ZMYM2: variants seen among roughly 807,000 people sequenced by gnomAD.
ZMYM2 encodes zinc finger MYM-type protein 2.
In ZMYM2, 56 loss-of-function variants were observed where a neutral mutation model predicts 162.8. The observed-to-expected ratio is 0.34, with a 90% CI of 0.28 to 0.43. The LOEUF (loss-of-function observed/expected upper bound fraction) is 0.43, where lower values mean the gene tolerates loss of function less well. ZMYM2 is among the 20% of genes least tolerant of loss of function. ZMYM2 has a pLI of 1.00. For synonymous variants in ZMYM2, 510 were observed against 541.6 expected (o/e 0.94, Z 0.81); for missense variants, 1,275 against 1,621.8 (o/e 0.79, Z 3.67).
At chr13:19,886,811 G>A in the ZMYM2 span, among the ~76,000 whole-genome samples, 7 of 151,458 alleles carry the variant, frequency 4.6e-5, no homozygotes, top group Non-Finnish European at 5.9e-5. Flanking sequence ...CACCATGCCC[G>A]GTTAATTTTT....
intron 2 of ZMYM2, among the ~76,000 whole-genome samples, chr13:19,980,515 G>A (rs931656104): frequency 1.3e-5 from 2 of 151,842 alleles, no homozygotes; most frequent in East Asian, 1.9e-4. Flanking sequence ...ACTTTGGGAC[G>A]CCAAGGCAGG....
rs1306608259 is a variant in ZMYM2 at position 20,086,981 on chromosome 13, A to G, written c.*967A>G. The G allele has an allele frequency of 1.1e-5, 2 of 182,304 alleles. No individual in the cohort carries two copies. The highest frequency in any genetic ancestry group is 2.3e-5 in the Non-Finnish European group (2 of 85,486). 11.3% of individuals were successfully genotyped at this position (182,304 alleles called of 1,614,324 possible). ...AGGATACAGATCATGCTGCAATGTT[A>G]GCTGTGTAGTACTCTAAAACTTAGC... On this transcript the variant is annotated 3_prime_UTR_variant, in exon 25 of 25. Coordinates refer to ENST00000610343, the MANE Select transcript of ZMYM2 (RefSeq NM_197968.4).
chr13:19,985,526 T>C (rs1252946330), intron 2 of ZMYM2, among the ~76,000 whole-genome samples: 1 of 88,710 alleles, frequency 1.1e-5, no homozygotes, highest in Non-Finnish European at 3.2e-5. Flanking sequence ...TTTTATTGAA[T>C]GGTTGTGTTT....
At chr13:20,019,464 C>T in intron 6 of ZMYM2, 83 bp from the exon 7 acceptor site, 1 of 1,244,800 alleles carries the variant, frequency 8.0e-7, no homozygotes, top group South Asian at 1.7e-5. Context: ...TGAGAAGCAA[C>T]TTTTACATAA....
At chr13:19,901,484 T>C in the ZMYM2 span, among the ~76,000 whole-genome samples, 1 of 151,488 alleles carries the variant, frequency 6.6e-6, no homozygotes, top group African/African-American at 2.4e-5. Context: ...ATGGATGACC[T>C]CTCCCCCACT....
chr13:19,970,972 C>T (rs2139270126), intron 2 of ZMYM2, among the ~76,000 whole-genome samples: 1 of 151,920 alleles, frequency 6.6e-6, no homozygotes, highest in East Asian at 1.9e-4. Context: ...TCTTTTCAGG[C>T]AGAGGAAGAT....
chr13:20,074,398 A>G (rs901861269), intron 21 of ZMYM2, among the ~76,000 whole-genome samples: 1 of 151,902 alleles, frequency 6.6e-6, no homozygotes, highest in African/African-American at 2.4e-5. Flanking sequence ...TACCTGGCTA[A>G]CTAACTTCTC....
the ZMYM2 span, among the ~76,000 whole-genome samples, chr13:19,921,916 T>A: frequency 6.6e-6 from 1 of 151,386 alleles, no homozygotes; most frequent in Non-Finnish European, 1.5e-5. Flanking sequence ...ACAAGTATTT[T>A]TTTTTTCCTT....
At chr13:19,999,844 C>G (rs1235739931) in intron 3 of ZMYM2, among the ~76,000 whole-genome samples, 1 of 152,200 alleles carries the variant, frequency 6.6e-6, no homozygotes, top group Non-Finnish European at 1.5e-5. Context: ...CTTACCCAGT[C>G]TGGAGTGCAG....
chr13:20,083,557 C>A, intron 23 of ZMYM2, 99 bp from the exon 24 acceptor site: 2 of 917,672 alleles, frequency 2.2e-6, no homozygotes, highest in South Asian at 1.8e-5. Flanking sequence ...CTCCAAGGGG[C>A]ACCTGGTCCT....
intron 17 of ZMYM2, among the ~76,000 whole-genome samples, chr13:20,061,997 T>A (rs1293650191): frequency 6.6e-6 from 1 of 152,222 alleles, no homozygotes; most frequent in Non-Finnish European, 1.5e-5. Context: ...GTGATGAGTG[T>A]GTTGTGGATG....
chr13:19,909,615 T>C, the ZMYM2 span, among the ~76,000 whole-genome samples: 1 of 151,984 alleles, frequency 6.6e-6, no homozygotes, highest in African/African-American at 2.4e-5. Flanking sequence ...GTAATTTTAG[T>C]AGAGACAAGG....
intron 21 of ZMYM2, among the ~76,000 whole-genome samples, chr13:20,080,580 C>T (rs779966155): frequency 2.0e-5 from 3 of 151,988 alleles, no homozygotes; most frequent in Non-Finnish European, 2.9e-5. Context: ...GCTTTGACCT[C>T]CCAGGCTCAA....
chr13:19,964,967 A>C (rs572800837), intron 2 of ZMYM2, among the ~76,000 whole-genome samples: 4 of 152,196 alleles, frequency 2.6e-5, no homozygotes, highest in Non-Finnish European at 4.4e-5. Context: ...CTAACCATGC[A>C]TTTAGGTTGG....
chr13:19,921,518 T>C, the ZMYM2 span, among the ~76,000 whole-genome samples: 1 of 152,326 alleles, frequency 6.6e-6, no homozygotes, highest in African/African-American at 2.4e-5. Context: ...AGAAACATTA[T>C]TGGTGAGTCT....
rs1205606161 is a variant in ZMYM2, at chr13:19,958,754, A to C, written c.-167A>C. ...CCTCCTCACCAGCGCTAAAGCCGGG[A>C]CTGGACCGAGCGGAGTTGTGCGTGT... On this transcript the variant is annotated 5_prime_UTR_variant, in exon 1 of 25. Coordinates refer to ENST00000610343, the MANE Select transcript of ZMYM2 (RefSeq NM_197968.4). The C allele has an allele frequency of 7.0e-6, 1 of 142,948 alleles. No homozygotes were observed. Among genetic ancestry groups the C allele is most frequent in the African/African-American group, 2.6e-5 (1 of 38,218 alleles). The allele number at this position is 142,948 out of a possible 1,614,324, so 8.9% of individuals were successfully genotyped here. A position where few individuals can be genotyped will look rare whatever the true frequency, so the allele number is the denominator to read the frequency against.
intron 12 of ZMYM2, among the ~76,000 whole-genome samples, chr13:20,045,491 G>GT (rs1195035413): frequency 6.6e-6 from 1 of 152,140 alleles, no homozygotes; most frequent in Non-Finnish European, 1.5e-5. Context: ...GTTTATTTCA[G>GT]TCTAAACAAA....
the ZMYM2 span, among the ~76,000 whole-genome samples, chr13:19,922,637 G>C: frequency 2.0e-5 from 3 of 152,104 alleles, no homozygotes; most frequent in African/African-American, 7.2e-5. Context: ...GAGGTCAGGA[G>C]ATCGAGACCA....
chr13:20,035,763 T>C (rs1953633384), intron 11 of ZMYM2, among the ~76,000 whole-genome samples: 1 of 152,162 alleles, frequency 6.6e-6, no homozygotes, highest in South Asian at 2.1e-4. Context: ...ATTTTTTGCT[T>C]TCTCTTACTG....
Sources: gnomAD v4.1 joint callset for allele counts (sites outside exome capture counted in the v4.1 genomes callset) on GRCh38, gnomAD v4.1.1 for gene constraint, MANE v1.5 for transcripts, NCBI Gene and HGNC (gene_info 2026-07-23, HGNC 2026-07-21) for gene names.